CHD6: variants seen among roughly 807,000 people sequenced by gnomAD.
CHD6 encodes the protein ATP-dependent chromatin remodeler CHD6.
CHD6 carries 50 observed loss-of-function variants against 276.9 expected under a neutral mutation model. The ratio of observed to expected loss-of-function variants is 0.18; its 90% CI spans 0.14 to 0.23. The LOEUF is 0.23. CHD6 is among the 10% of genes least tolerant of loss of function. The probability of loss-of-function intolerance (pLI) is 1.00; values close to 1 mark genes in which losing one functional copy is unlikely to be tolerated. For synonymous variants in CHD6, 1,173 were observed against 1,229.3 expected, an observed-to-expected ratio of 0.95 and a Z score of 0.96; for missense variants, 2,564 against 3,365.8, an observed-to-expected ratio of 0.76 and a Z score of 5.89.
chr20:41,613,350 G>A (rs1379929800), intron 1 of CHD6, among the ~76,000 whole-genome samples: 1 of 152,194 alleles, frequency 6.6e-6, no homozygotes, highest in African/African-American at 2.4e-5. Flanking sequence ...AAAATGTCAG[G>A]CACATTTGCC....
rs186454569 is a variant in CHD6 at position 41,545,429 on chromosome 20, T to C, written c.33+5876A>G. Among the ~76,000 whole-genome samples, 5 of 152,292 alleles carry C rather than the reference T, an allele frequency of 3.3e-5. No homozygotes were observed. The East Asian group carries it at 9.6e-4, about 29-fold the overall frequency. Reference sequence around the variant, plus strand: ...GAGGAGGGAGGAGAAAAGAGGTGGATAGGTCCCTTTTAAGTCCTTTTGAAA... The same window carrying C: ...GAGGAGGGAGGAGAAAAGAGGTGGACAGGTCCCTTTTAAGTCCTTTTGAAA... On this transcript the variant is annotated intron_variant, in intron 2 of 36. Transcript: ENST00000373233.
chr20:41,488,089 C>T lies in CHD6; in HGVS notation c.1858-281G>A, dbSNP rs371295785. Among the ~76,000 whole-genome samples, 42 of 152,216 alleles carry T rather than the reference C, an allele frequency of 2.8e-4. 1 individual carries two copies. The South Asian group carries it at 8.7e-3, about 32-fold the overall frequency. On this transcript the variant is annotated intron_variant, in intron 13 of 36. Coordinates refer to ENST00000373233, the MANE Select transcript of CHD6 (RefSeq NM_032221.5). ...CCCCACCAGATACTGGGCACTGTGCCAAGGCAGTAATGTTAAAAGGGCATC... is the reference window on the plus strand; with the variant it reads ...CCCCACCAGATACTGGGCACTGTGCTAAGGCAGTAATGTTAAAAGGGCATC...
At chr20:41,527,800 G>A (rs1425525288) in intron 3 of CHD6, among the ~76,000 whole-genome samples, 1 of 152,184 alleles carries the variant, frequency 6.6e-6, no homozygotes, top group East Asian at 1.9e-4. Context: ...CAGCAGTGTC[G>A]GGGGTTGGGG....
chr20:41,491,907 A>G lies in CHD6; in HGVS notation c.1315-88T>C. The G allele has an allele frequency of 5.3e-6, 7 of 1,328,430 alleles. No individual in the cohort carries two copies. The South Asian group carries it at 7.2e-5, about 14-fold the overall frequency. 82.3% of individuals were successfully genotyped at this position (1,328,430 alleles called of 1,614,324 possible). On this transcript the variant is annotated intron_variant, in intron 10 of 36. Coordinates refer to ENST00000373233, the MANE Select transcript of CHD6 (RefSeq NM_032221.5). ...ACTAACGAGGACAGTGGTAAATCTC[A>G]CTGTCCCAAGGCTGGTTTCAAACTA...
chr20:41,560,848 AAC>A, intron 1 of CHD6, among the ~76,000 whole-genome samples: 1 of 152,094 alleles, frequency 6.6e-6, no homozygotes, highest in South Asian at 2.1e-4. Context: ...TAAAAAAAAA[AAC>A]AGTCCCCGAT....
intron 1 of CHD6, among the ~76,000 whole-genome samples, chr20:41,555,132 A>C (rs1601136377): frequency 9.8e-6 from 1 of 101,734 alleles, no homozygotes; most frequent in South Asian, 4.1e-4. Context: ...TCCCTCCCCG[A>C]CGGGGCGGCT....
chr20:41,413,642 G>T, intron 34 of CHD6, 127 bp from the exon 35 acceptor site: 2 of 813,884 alleles, frequency 2.5e-6, no homozygotes, highest in Non-Finnish European at 3.7e-6. Context: ...CTCAGCTGGG[G>T]TGCCTGAATT....
At chr20:41,584,542 A>G (rs566553704) in intron 1 of CHD6, among the ~76,000 whole-genome samples, 6 of 152,314 alleles carry the variant, frequency 3.9e-5, no homozygotes, top group Non-Finnish European at 8.8e-5. Flanking sequence ...TCAAGTGAAC[A>G]TGGAACGTTC....
intron 24 of CHD6, 152 bp from the exon 25 acceptor site, chr20:41,445,920 C>T (rs2048053043): frequency 1.7e-6 from 1 of 589,120 alleles, no homozygotes; most frequent in Admixed American, 2.9e-5. Flanking sequence ...TCAACCAGGG[C>T]TTTGCATGAG....
chr20:41,412,401 G>T, intron 35 of CHD6, 138 bp from the exon 36 acceptor site: 1 of 934,576 alleles, frequency 1.1e-6, no homozygotes, highest in Admixed American at 2.3e-5. Flanking sequence ...TAAACTAAAG[G>T]AAATAGCCAC....
At chr20:41,553,708 C>T (rs2045179979) in intron 1 of CHD6, among the ~76,000 whole-genome samples, 1 of 152,238 alleles carries the variant, frequency 6.6e-6, no homozygotes, top group South Asian at 2.1e-4. Context: ...ATTGCGTACC[C>T]TTTCTGCAGA....
chr20:41,432,016 T>G (rs905137706), intron 27 of CHD6, among the ~76,000 whole-genome samples: 2 of 151,768 alleles, frequency 1.3e-5, no homozygotes, highest in Non-Finnish European at 2.9e-5. Flanking sequence ...AAATATTAGC[T>G]GGGCATGGTG....
At chr20:41,554,377 TTTTA>T (rs138632294) in intron 1 of CHD6, among the ~76,000 whole-genome samples, 46,529 of 150,014 alleles carry the variant, frequency 0.31, 8,244 homozygotes, top group East Asian at 0.5. Context: ...CACTTTTATT[TTTTA>T]TTTATTTATT....
At position 41,592,228 on chromosome 20, in the gene CHD6, C is replaced by T. The variant is rs147942474; in HGVS notation, c.-24+26112G>A. On this transcript the variant is annotated intron_variant, in intron 1 of 36. Coordinates refer to ENST00000373233, the MANE Select transcript of CHD6 (RefSeq NM_032221.5). Reference sequence around the variant, plus strand: ...AAAAAACAAAACAAAACAAAAAAAACTTTTGTAAGTGGTATTCTCTACCTA... The same window carrying T: ...AAAAAACAAAACAAAACAAAAAAAATTTTTGTAAGTGGTATTCTCTACCTA... Among the ~76,000 whole-genome samples, 841 of 152,084 alleles carry T rather than the reference C, an allele frequency of 5.5e-3. 8 individuals carry two copies. Among genetic ancestry groups the T allele is most frequent in the Middle Eastern group, 0.024 (7 of 294 alleles).
intron 2 of CHD6, among the ~76,000 whole-genome samples, chr20:41,534,432 C>G (rs1298718980): frequency 6.6e-6 from 1 of 152,212 alleles, no homozygotes; most frequent in East Asian, 1.9e-4. Flanking sequence ...CTCAGACTTC[C>G]TGGCCCACCC....
chr20:41,441,727 CTCTT>C (rs984209108), intron 25 of CHD6, among the ~76,000 whole-genome samples: 1 of 152,194 alleles, frequency 6.6e-6, no homozygotes, highest in Non-Finnish European at 1.5e-5. Flanking sequence ...GGAAGAATGA[CTCTT>C]TCAGTCCCCT....
chr20:41,594,828 A>C (rs1482495524), intron 1 of CHD6, among the ~76,000 whole-genome samples: 5 of 152,214 alleles, frequency 3.3e-5, no homozygotes, highest in African/African-American at 9.6e-5. Context: ...TGTGTGGTCC[A>C]ACTCCACCCA....
At chr20:41,588,245 C>A (rs1341615296) in intron 1 of CHD6, among the ~76,000 whole-genome samples, 1 of 152,160 alleles carries the variant, frequency 6.6e-6, no homozygotes, top group Non-Finnish European at 1.5e-5. Context: ...GAACAACAGA[C>A]CACAAAATCT....
chr20:41,470,253 C>T lies in CHD6; in HGVS notation c.2664+3069G>A, dbSNP rs58068116. Among the ~76,000 whole-genome samples, 1,155 of 152,216 alleles carry T rather than the reference C, an allele frequency of 7.6e-3. 10 individuals are homozygous for T. The highest frequency in any genetic ancestry group is 0.026 in the African/African-American group (1,096 of 41,508). On this transcript the variant is annotated intron_variant, in intron 17 of 36. Transcript: ENST00000373233. ...CTCTCTCTATCACATCTTTTTATAG[C>T]CCACCAGTCCCACTAACTAATAGCC...
Sources: allele counts gnomAD v4.1 joint callset (sites outside exome capture counted in the v4.1 genomes callset), GRCh38; gene constraint gnomAD v4.1.1; transcripts MANE v1.5; gene names NCBI Gene and HGNC (gene_info 2026-07-23, HGNC 2026-07-21).